The following CDH18 variants were observed in gnomAD, a reference collection of about 807,000 sequenced individuals.
CDH18 encodes cadherin-18.
Under a neutral mutation model 67.9 loss-of-function variants are expected in CDH18, and 31 were observed. The ratio of observed to expected loss-of-function variants is 0.46; its 90% confidence interval spans 0.34 to 0.62. The LOEUF (loss-of-function observed/expected upper bound fraction) is 0.62. Among genes scored for constraint, CDH18 ranks in the 20% least tolerant of loss-of-function variants. CDH18 has a pLI of 0.01. For missense variants in CDH18, 890 were observed against 975.5 expected (o/e 0.91, Z 1.17); for synonymous variants, 362 against 347.2 (o/e 1.04, Z -0.48).
intron 4 of CDH18, among the ~76,000 whole-genome samples, chr5:19,739,719 A>G (rs1012587363): frequency 6.6e-5 from 10 of 152,312 alleles, no homozygotes; most frequent in African/African-American, 2.4e-4. Context: ...TGAATACTGC[A>G]ATGTTCCATG....
chr5:19,950,949 C>T (rs1276366407), intron 2 of CDH18, among the ~76,000 whole-genome samples: 3 of 152,164 alleles, frequency 2.0e-5, no homozygotes, highest in Non-Finnish European at 4.4e-5. Context: ...GGATACTTCT[C>T]CTTCACTTAG....
chr5:19,805,798 C>A (rs1015033980), intron 3 of CDH18, among the ~76,000 whole-genome samples: 9 of 151,990 alleles, frequency 5.9e-5, no homozygotes, highest in African/African-American at 1.9e-4. Flanking sequence ...CTCTCAATTT[C>A]TTCTACAATT....
rs562655039 is a variant in CDH18, at chr5:20,376,091, AT to A, written c.-579-120587del. Among the ~76,000 whole-genome samples the A allele has an allele frequency of 4.4e-4, 22 of 49,768 alleles. 2 individuals carry two copies. The East Asian group carries it at 5.3e-3, about 12-fold the overall frequency. 32.6% of individuals were successfully genotyped at this position (49,768 alleles called of 152,430 possible). A position where few individuals can be genotyped will look rare whatever the true frequency, so the allele number is the denominator to read the frequency against. ...ACAGTAAGCAATTTAAAAAGAAACA[AT>A]TTTTTTTTTTTTTTTTTTTGAGACG... On this transcript the variant is annotated intron_variant, in intron 1 of 14. Transcript: ENST00000507958.
chr5:20,201,653 A>G (rs185817373), intron 2 of CDH18, among the ~76,000 whole-genome samples: 1 of 152,296 alleles, frequency 6.6e-6, no homozygotes, highest in East Asian at 1.9e-4. Context: ...TAAATATATA[A>G]TACATGAATA....
At chr5:19,610,688 G>T (rs564781758) in intron 6 of CDH18, among the ~76,000 whole-genome samples, 2 of 152,150 alleles carry the variant, frequency 1.3e-5, no homozygotes, top group Admixed American at 6.6e-5. Flanking sequence ...AGTATATTCT[G>T]TTGAGTCTGA....
chr5:20,377,726 TC>T (rs1251906501), intron 1 of CDH18, among the ~76,000 whole-genome samples: 1 of 152,150 alleles, frequency 6.6e-6, no homozygotes, highest in Non-Finnish European at 1.5e-5. Flanking sequence ...GTATATAATA[TC>T]ACATCCTTTA....
chr5:19,747,981 C>T lies in CDH18; in HGVS notation c.229-745G>A, dbSNP rs539658905. Among the ~76,000 whole-genome samples, 24 of 150,088 alleles carry T rather than the reference C, an allele frequency of 1.6e-4. No individual in the cohort carries two copies. The East Asian group carries it at 2.0e-3, about 12-fold the overall frequency. On this transcript the variant is annotated intron_variant, in intron 3 of 12. Coordinates refer to ENST00000382275, the MANE Select transcript of CDH18 (RefSeq NM_004934.5). ...AAAAAAAACTAGCCGGGCGTGGTGG[C>T]GGGCGCCTGTAGTCCCAGCTACTCG...
At chr5:19,493,621 T>C (rs1485922005) in intron 11 of CDH18, among the ~76,000 whole-genome samples, 1 of 152,076 alleles carries the variant, frequency 6.6e-6, no homozygotes, top group Non-Finnish European at 1.5e-5. Context: ...TATATTCATA[T>C]TGACAATATG....
At chr5:20,101,706 T>C (rs1471360370) in intron 2 of CDH18, among the ~76,000 whole-genome samples, 2 of 152,178 alleles carry the variant, frequency 1.3e-5, no homozygotes, top group Admixed American at 6.5e-5. Flanking sequence ...CATAGAGGTA[T>C]TGCCAGTTTA....
chr5:19,662,805 C>T (rs2150317794), intron 5 of CDH18, among the ~76,000 whole-genome samples: 1 of 152,142 alleles, frequency 6.6e-6, no homozygotes, highest in East Asian at 1.9e-4. Context: ...TTATAGCACT[C>T]TGTACCAATT....
rs150576750 is a variant in CDH18 at position 20,175,057 on chromosome 5, A to C, written c.-518+80387T>G. ...AGACTGTGTCTGTTCAAGATATATAAGAATGGGTTATTTGCCTAAGAATAC... is the reference window on the plus strand; with the variant it reads ...AGACTGTGTCTGTTCAAGATATATACGAATGGGTTATTTGCCTAAGAATAC... On this transcript the variant is annotated intron_variant, in intron 2 of 14. Coordinates refer to the CDH18 transcript ENST00000507958. Among the ~76,000 whole-genome samples, 952 of 152,288 alleles carry C rather than the reference A, an allele frequency of 6.3e-3. 4 individuals carry two copies. The highest frequency in any genetic ancestry group is 0.011 in the Non-Finnish European group (716 of 68,026).
At chr5:19,954,073 A>G (rs985586287) in intron 2 of CDH18, among the ~76,000 whole-genome samples, 1 of 152,018 alleles carries the variant, frequency 6.6e-6, no homozygotes. Context: ...CTTTGCATTC[A>G]TTTCAGGACC....
chr5:20,240,182 G>C lies in CDH18; in HGVS notation c.-518+15262C>G, dbSNP rs189479723. On this transcript the variant is annotated intron_variant, in intron 2 of 14. Transcript: ENST00000507958. ...TATAATTAAAAAAAAAGAATAATAT[G>C]ATTACTAATGCTAAAGGAAAACAAA... 1.5e-3 allele frequency among the ~76,000 whole-genome samples: 233 copies of C among 151,794 alleles called. 2 individuals carry two copies. Among genetic ancestry groups the C allele is most frequent in the African/African-American group, 5.4e-3 (225 of 41,382 alleles).
At chr5:20,154,420 T>C (rs1751365276) in intron 2 of CDH18, among the ~76,000 whole-genome samples, 2 of 152,148 alleles carry the variant, frequency 1.3e-5, no homozygotes, top group East Asian at 1.9e-4. Flanking sequence ...TATTCTCTTT[T>C]TCTTCTTATT....
intron 2 of CDH18, among the ~76,000 whole-genome samples, chr5:20,153,584 T>G (rs1224501289): frequency 6.6e-6 from 1 of 152,164 alleles, no homozygotes; most frequent in Admixed American, 6.5e-5. Context: ...ACTGGGTGGC[T>G]TAAAAAATAT....
At position 19,721,430 on chromosome 5, in the gene CDH18, T is replaced by C; in HGVS notation, c.560A>G (p.Asp187Gly). The C allele has an allele frequency of 6.2e-7, 1 of 1,612,642 alleles. No homozygotes were observed. Among genetic ancestry groups the C allele is most frequent in the Non-Finnish European group, 8.5e-7 (1 of 1,178,870 alleles). ...AGCGCTGTTTCCATAGGTAGGGTCA[T>C]CTGCATCAGTAGCTGTCACCTGTAG... is the stretch of plus-strand genomic sequence containing the variant. ...SVLQVTATDA[D>G]DPTYGNSARV... Residue 187 changes from aspartate to glycine, a missense_variant, in exon 5 of 13, where the codon GAT becomes GGT. Physicochemically the swap from Asp to Gly is moderately conservative, Grantham distance 94. Around this residue, in one of 2 missense-constraint regions of CDH18, gnomAD observed 234 missense variants for 307.4 expected, o/e 0.76. Transcript: ENST00000382275.
intron 3 of CDH18, among the ~76,000 whole-genome samples, chr5:19,787,862 T>C: frequency 6.6e-6 from 1 of 151,118 alleles, no homozygotes; most frequent in South Asian, 2.1e-4. Context: ...CATGTCTATA[T>C]ATACTTATAA....
At chr5:20,402,102 A>AT (rs1294273273) in intron 1 of CDH18, among the ~76,000 whole-genome samples, 1 of 152,044 alleles carries the variant, frequency 6.6e-6, no homozygotes, top group African/African-American at 2.4e-5. Context: ...TTCTTTTCAT[A>AT]TGCCTAGAAG....
chr5:20,239,125 G>GA (rs1175707257), intron 2 of CDH18, among the ~76,000 whole-genome samples: 1 of 151,984 alleles, frequency 6.6e-6, no homozygotes, highest in East Asian at 1.9e-4. Flanking sequence ...AGGAACTAGG[G>GA]AAAAAACAGT....
Sources: gnomAD v4.1 joint callset for allele counts (sites outside exome capture counted in the v4.1 genomes callset) on GRCh38, gnomAD v4.1.1 for gene constraint, gnomAD v4.1.1 regional missense constraint, MANE v1.5 for transcripts, NCBI Gene and HGNC (gene_info 2026-07-23, HGNC 2026-07-21) for gene names.